Variants in MBOAT2 observed in about 807,000 individuals in gnomAD.
MBOAT2 encodes membrane-bound glycerophospholipid O-acyltransferase 2.
A neutral mutation model predicts 63.4 loss-of-function variants in MBOAT2; 28 were observed. The ratio of observed to expected loss-of-function variants is 0.44; its 90% CI spans 0.33 to 0.61. The LOEUF is 0.61. Ranked by LOEUF, MBOAT2 falls within the 20% of genes least tolerant of loss-of-function variation. MBOAT2 has a pLI of 0.03. For missense variants in MBOAT2, 470 were observed against 605.8 expected (o/e 0.78, Z 2.35); for synonymous variants, 211 against 215.6 (o/e 0.98, Z 0.19).
chr2:8,876,892 G>A (rs1662737510), intron 7 of MBOAT2, 138 bp downstream of exon 7: 1 of 745,404 alleles, frequency 1.3e-6, no homozygotes, highest in South Asian at 2.1e-5. Flanking sequence ...TCTACCAGGT[G>A]CAGTGTGAAG....
intron 1 of MBOAT2, among the ~76,000 whole-genome samples, chr2:8,992,496 G>C (rs761087828): frequency 2.0e-5 from 3 of 152,168 alleles, no homozygotes; most frequent in Non-Finnish European, 4.4e-5. Context: ...ATATATTGTA[G>C]TTTTAGCTAT....
chr2:8,959,947 T>C (rs552228287), intron 1 of MBOAT2, among the ~76,000 whole-genome samples: 3 of 152,336 alleles, frequency 2.0e-5, no homozygotes, highest in African/African-American at 4.8e-5. Flanking sequence ...CATGTAGCTA[T>C]TTCCATAGAC....
rs182294196 is a variant in MBOAT2, at chr2:9,000,987, A to G, written c.75+2553T>C. Among the ~76,000 whole-genome samples the G allele has an allele frequency of 1.7e-3, 264 of 152,206 alleles. 1 individual carries two copies. The highest frequency in any genetic ancestry group is 6.0e-3 in the African/African-American group (249 of 41,506). ...TATTAAAATTTTTTTAATTTAAAAA[A>G]CGATTAAAAACTAAGACACAAACAC... is the stretch of plus-strand genomic sequence containing the variant. On this transcript the variant is annotated intron_variant, in intron 1 of 12. Coordinates refer to ENST00000305997, the MANE Select transcript of MBOAT2 (RefSeq NM_138799.4).
At chr2:8,907,068 A>C (rs1339660594) in intron 4 of MBOAT2, among the ~76,000 whole-genome samples, 1 of 152,186 alleles carries the variant, frequency 6.6e-6, no homozygotes, top group East Asian at 1.9e-4. Context: ...GCTAATGTTA[A>C]TATTTGTTAT....
chr2:8,902,154 G>C (rs1664990986), intron 4 of MBOAT2, among the ~76,000 whole-genome samples: 1 of 152,066 alleles, frequency 6.6e-6, no homozygotes, highest in Non-Finnish European at 1.5e-5. Context: ...GGGTTGTTAA[G>C]AGAGCCCTTT....
intron 1 of MBOAT2, among the ~76,000 whole-genome samples, chr2:8,975,003 C>T (rs1159465196): frequency 6.6e-6 from 1 of 152,030 alleles, no homozygotes; most frequent in Non-Finnish European, 1.5e-5. Flanking sequence ...ATATCTAATC[C>T]AAAAGTATAG....
At chr2:8,990,554 C>A (rs769604882) in intron 1 of MBOAT2, among the ~76,000 whole-genome samples, 1 of 152,092 alleles carries the variant, frequency 6.6e-6, no homozygotes, top group African/African-American at 2.4e-5. Context: ...TTTAATAGAT[C>A]ACTTTATAAT....
chr2:8,939,650 GCTT>G (rs1349693538), intron 3 of MBOAT2, among the ~76,000 whole-genome samples: 2 of 152,192 alleles, frequency 1.3e-5, no homozygotes, highest in Non-Finnish European at 2.9e-5. Flanking sequence ...TTCCGTGGCT[GCTT>G]TCCAGAGCAC....
intron 1 of MBOAT2, among the ~76,000 whole-genome samples, chr2:8,990,263 T>G (rs988054325): frequency 6.6e-6 from 1 of 152,134 alleles, no homozygotes; most frequent in Non-Finnish European, 1.5e-5. Context: ...TCTCCTTCAT[T>G]TCACAAGGGC....
chr2:8,924,903 G>A (rs943453635), intron 3 of MBOAT2, among the ~76,000 whole-genome samples: 2 of 152,062 alleles, frequency 1.3e-5, no homozygotes, highest in African/African-American at 4.8e-5. Flanking sequence ...TAGTTTACAT[G>A]AAGATTTAAG....
chr2:8,967,062 C>A (rs780074695), intron 1 of MBOAT2, among the ~76,000 whole-genome samples: 3 of 152,122 alleles, frequency 2.0e-5, no homozygotes, highest in Non-Finnish European at 4.4e-5. Context: ...CAAGTCAATT[C>A]AGAGGAATAT....
At chr2:8,875,967 C>T (rs1662669950) in intron 7 of MBOAT2, among the ~76,000 whole-genome samples, 1 of 152,194 alleles carries the variant, frequency 6.6e-6, no homozygotes, top group Non-Finnish European at 1.5e-5. Flanking sequence ...CTCTTTGTTG[C>T]CCACACAGTG....
At chr2:8,885,699 A>G (rs1663499424) in intron 5 of MBOAT2, among the ~76,000 whole-genome samples, 1 of 152,234 alleles carries the variant, frequency 6.6e-6, no homozygotes, top group Non-Finnish European at 1.5e-5. Flanking sequence ...CAAAGCCAGA[A>G]AGGCAAGCAG....
At position 8,858,651 on chromosome 2, in the gene MBOAT2, A is replaced by G. The variant is rs1300686934; in HGVS notation, c.*28T>C. On this transcript the variant is annotated 3_prime_UTR_variant, in exon 13 of 13. Transcript: ENST00000305997. ...GATTGGTTTCTGTTAACATCAAAAA[A>G]AAAAAACAGCCCTCAGAGCCTTCCC... 1 of 1,536,694 alleles carries G rather than the reference A, an allele frequency of 6.5e-7. No homozygotes were observed. The highest frequency in any genetic ancestry group is 2.3e-5 in the East Asian group (1 of 44,260).
chr2:8,869,196 A>G (rs918789313), intron 8 of MBOAT2, among the ~76,000 whole-genome samples: 13 of 148,878 alleles, frequency 8.7e-5, no homozygotes, highest in African/African-American at 3.2e-4. Context: ...GCAGGTGCAC[A>G]TCATCATGCC....
At position 8,864,228 on chromosome 2, in the gene MBOAT2, T is replaced by C. The variant is rs535727689; in HGVS notation, c.994A>G (p.Thr332Ala). The change falls in exon 10 of 13, where the codon ACA becomes GCA. Residue 332 changes from threonine (T) to alanine (A), a missense_variant. Thr to Ala is a moderately conservative substitution (Grantham distance 58). Transcript: ENST00000305997. ...TTATCAAGAAACATCTTGAAACTTG[T>C]TGACATCTGAAAAAAAAGGAAACTT... ...NLRIQQIEMSTSFKMFLDNWN... is the reference protein window; with the variant it reads ...NLRIQQIEMSASFKMFLDNWN... The C allele has an allele frequency of 5.1e-6, 8 of 1,566,998 alleles. No individual in the cohort carries two copies. The South Asian group carries it at 7.4e-5, about 14-fold the overall frequency.
intron 2 of MBOAT2, among the ~76,000 whole-genome samples, 170 bp downstream of exon 2, chr2:8,958,327 C>T (rs931419903): frequency 3.3e-5 from 5 of 152,154 alleles, no homozygotes; most frequent in African/African-American, 9.7e-5. Flanking sequence ...AAGCCCATTT[C>T]CCATTCGTTA....
intron 3 of MBOAT2, among the ~76,000 whole-genome samples, chr2:8,923,400 T>G (rs1056838548): frequency 6.6e-6 from 1 of 152,136 alleles, no homozygotes; most frequent in African/African-American, 2.4e-5. Flanking sequence ...TGAGACCTCC[T>G]CCCAGGAACT....
intron 3 of MBOAT2, among the ~76,000 whole-genome samples, chr2:8,940,833 C>T (rs1668001514): frequency 6.6e-6 from 1 of 152,084 alleles, no homozygotes; most frequent in African/African-American, 2.4e-5. Context: ...GTTCAGTACA[C>T]AGATAAATTC....
Sources: allele counts gnomAD v4.1 joint callset (sites outside exome capture counted in the v4.1 genomes callset), GRCh38; gene constraint gnomAD v4.1.1; transcripts MANE v1.5; gene names NCBI Gene and HGNC (gene_info 2026-07-23, HGNC 2026-07-21).